Variants in NEK11 observed in about 807,000 individuals in gnomAD.
NEK11 encodes NIMA related kinase 11, also known as serine/threonine-protein kinase Nek11.
A neutral mutation model predicts 80.7 loss-of-function variants in NEK11; 72 were observed. That is an observed-to-expected ratio of 0.89 (90% CI 0.74 to 1.08). The LOEUF (loss-of-function observed/expected upper bound fraction) is 1.08. Among genes scored for constraint, NEK11 ranks in the 50% least tolerant of loss-of-function variants. NEK11 has a pLI of 0.00. For synonymous variants in NEK11, 251 were observed against 260.7 expected, an observed-to-expected ratio of 0.96 and a Z score of 0.36; for missense variants, 764 against 763.6, an observed-to-expected ratio of 1.00 and a Z score of -0.01.
chr3:131,250,778 T>A (rs1362399975), intron 16 of NEK11, among the ~76,000 whole-genome samples: 1 of 152,088 alleles, frequency 6.6e-6, no homozygotes, highest in Non-Finnish European at 1.5e-5. Flanking sequence ...CCATTTGGAT[T>A]TTATCATAAT....
chr3:131,065,446 C>T (rs1052296069), intron 3 of NEK11, among the ~76,000 whole-genome samples: 2 of 152,170 alleles, frequency 1.3e-5, no homozygotes, highest in Admixed American at 6.6e-5. Flanking sequence ...ACTTTGGTGA[C>T]CATATTCCCC....
intron 16 of NEK11, among the ~76,000 whole-genome samples, chr3:131,270,697 C>T (rs918669621): frequency 7.2e-5 from 11 of 152,188 alleles, no homozygotes; most frequent in African/African-American, 2.4e-4. Flanking sequence ...CGAAATTATA[C>T]TTGCCCTGTT....
intron 17 of NEK11, among the ~76,000 whole-genome samples, chr3:131,342,358 C>T (rs558497794): frequency 6.6e-6 from 1 of 152,280 alleles, no homozygotes; most frequent in South Asian, 2.1e-4. Context: ...ATACATTGTA[C>T]CATTCCATTC....
At chr3:131,257,058 C>T (rs752169121) in intron 16 of NEK11, among the ~76,000 whole-genome samples, 4 of 151,988 alleles carry the variant, frequency 2.6e-5, no homozygotes, top group Admixed American at 6.6e-5. Context: ...AATCATGGCT[C>T]ACTGCAGCCT....
intron 17 of NEK11, among the ~76,000 whole-genome samples, chr3:131,323,152 T>C (rs147934544): frequency 1.3e-5 from 2 of 152,282 alleles, no homozygotes; most frequent in East Asian, 3.9e-4. Flanking sequence ...AAACAAACCA[T>C]TGCTCAAAAA....
At chr3:131,348,824 AG>A (rs968465189) in intron 17 of NEK11, among the ~76,000 whole-genome samples, 66 of 152,164 alleles carry the variant, frequency 4.3e-4, no homozygotes, top group African/African-American at 1.5e-3. Context: ...TCTGTAAAAT[AG>A]GGATTTAAAA....
intron 17 of NEK11, among the ~76,000 whole-genome samples, chr3:131,334,146 C>G (rs2097141600): frequency 6.6e-6 from 1 of 152,194 alleles, no homozygotes; most frequent in Admixed American, 6.5e-5. Context: ...ACTCTCCATC[C>G]CAAATCAACA....
At chr3:131,094,626 C>T (rs1212942759) in intron 4 of NEK11, among the ~76,000 whole-genome samples, 1 of 152,188 alleles carries the variant, frequency 6.6e-6, no homozygotes, top group Non-Finnish European at 1.5e-5. Context: ...AAAGCAAACA[C>T]ATTTCATGAT....
chr3:131,327,532 G>GTGTT (rs773306913), intron 17 of NEK11: 4 of 152,148 alleles, frequency 2.6e-5, no homozygotes, highest in Non-Finnish European at 4.4e-5. Flanking sequence ...GTTCTTCCAG[G>GTGTT]TGTTTGAAAA....
At chr3:131,317,761 C>CAAG (rs1315817692) in intron 17 of NEK11, among the ~76,000 whole-genome samples, 1 of 40,068 alleles carries the variant, frequency 2.5e-5, no homozygotes, top group South Asian at 7.8e-4. Flanking sequence ...TACCCCCACC[C>CAAG]AAGAAGAAGG....
chr3:131,306,216 CT>C (rs1226219686), intron 17 of NEK11, among the ~76,000 whole-genome samples: 1 of 152,110 alleles, frequency 6.6e-6, no homozygotes, highest in Non-Finnish European at 1.5e-5. Context: ...CCTGCCTTGT[CT>C]TGTTCTGGTA....
intron 11 of NEK11, among the ~76,000 whole-genome samples, chr3:131,163,954 T>C (rs2091937017): frequency 6.6e-6 from 1 of 152,180 alleles, no homozygotes; most frequent in African/African-American, 2.4e-5. Flanking sequence ...AATATTTTGG[T>C]AGTTTAGGAG....
At chr3:131,275,296 C>A (rs115170741) in intron 17 of NEK11, among the ~76,000 whole-genome samples, 1 of 152,058 alleles carries the variant, frequency 6.6e-6, no homozygotes, top group Non-Finnish European at 1.5e-5. Context: ...TTATTTTACC[C>A]GTAAAAGTTA....
At chr3:131,097,999 C>A (rs545614806) in intron 4 of NEK11, among the ~76,000 whole-genome samples, 2 of 142,838 alleles carry the variant, frequency 1.4e-5, no homozygotes, top group Non-Finnish European at 1.6e-5. Flanking sequence ...GAAATAATGC[C>A]GCATATCTAC....
At chr3:131,091,838 G>A (rs2076774384) in intron 4 of NEK11, among the ~76,000 whole-genome samples, 1 of 152,206 alleles carries the variant, frequency 6.6e-6, no homozygotes, top group Non-Finnish European at 1.5e-5. Context: ...GAACTAGAAG[G>A]AGTTCGGAGA....
chr3:131,245,018 T>G (rs1273706370), intron 16 of NEK11, among the ~76,000 whole-genome samples: 1 of 152,104 alleles, frequency 6.6e-6, no homozygotes, highest in Non-Finnish European at 1.5e-5. Context: ...AGTCTGGGCT[T>G]TTGGTGTAAT....
chr3:131,302,258 A>G (rs557617081), intron 17 of NEK11, among the ~76,000 whole-genome samples: 43 of 151,250 alleles, frequency 2.8e-4, no homozygotes, highest in African/African-American at 1.0e-3. Flanking sequence ...TTTTTTCTTT[A>G]TTATTCTAGC....
chr3:131,229,253 T>C (rs2095281337), intron 15 of NEK11, among the ~76,000 whole-genome samples: 1 of 151,864 alleles, frequency 6.6e-6, no homozygotes, highest in Admixed American at 6.6e-5. Context: ...AGTAGATCTC[T>C]TTTAACTATA....
intron 7 of NEK11, among the ~76,000 whole-genome samples, chr3:131,142,456 T>C (rs1221380220): frequency 2.0e-5 from 3 of 152,172 alleles, no homozygotes; most frequent in Non-Finnish European, 4.4e-5. Flanking sequence ...CTGGAGATCA[T>C]ATAAAATTAT....
Sources: allele counts gnomAD v4.1 joint callset (sites outside exome capture counted in the v4.1 genomes callset), GRCh38; gene constraint gnomAD v4.1.1; transcripts MANE v1.5; gene names NCBI Gene and HGNC (gene_info 2026-07-23, HGNC 2026-07-21).